Variants in CAPS2 observed in about 807,000 individuals in gnomAD.
CAPS2 encodes calcyphosin-2.
Under a neutral mutation model 86.5 loss-of-function variants are expected in CAPS2, and 98 were observed. The ratio of observed to expected loss-of-function variants is 1.13; its 90% CI spans 0.96 to 1.34. CAPS2 has a LOEUF of 1.34. CAPS2 is among the 40% of genes most tolerant of loss of function. The pLI, the probability that CAPS2 is intolerant of heterozygous loss-of-function variation, is 0.00. For missense variants in CAPS2, 729 were observed against 686.8 expected (o/e 1.06, Z -0.69); for synonymous variants, 210 against 225.1 (o/e 0.93, Z 0.60).
rs1320145132 is a variant in CAPS2 at position 75,388,483 on chromosome 12, G to A, written c.-395+2355C>T. ...AAAAAGAAATTAGGTATCAAGCCAC[G>A]AAAAGACATGGAAGAAATTTACACA... On this transcript the variant is annotated intron_variant, in intron 1 of 5. Coordinates refer to the CAPS2 transcript ENST00000551829. 3.9e-5 allele frequency among the ~76,000 whole-genome samples: 6 copies of A among 152,240 alleles called. No individual in the cohort carries two copies. The South Asian group carries it at 8.3e-4, about 21-fold the overall frequency.
At chr12:75,293,027 T>C (rs1593283207) in intron 12 of CAPS2, among the ~76,000 whole-genome samples, 1 of 152,192 alleles carries the variant, frequency 6.6e-6, no homozygotes, top group South Asian at 2.1e-4. Flanking sequence ...TAACATAAAA[T>C]TGAATATTTT....
chr12:75,296,916 T>G (rs1342200576), intron 11 of CAPS2, among the ~76,000 whole-genome samples: 2 of 152,336 alleles, frequency 1.3e-5, no homozygotes, highest in East Asian at 1.9e-4. Context: ...AGTAGGGATA[T>G]CTAATAAATT....
At chr12:75,277,461 CTT>C in exon 17 of CAPS2, 3 of 917,654 alleles carry the variant, frequency 3.3e-6, no homozygotes, top group African/African-American at 3.6e-5. Flanking sequence ...GTGTTATAGA[CTT>C]ATTTCTGCCA....
At position 75,343,844 on chromosome 12, in the gene CAPS2, C is replaced by A. The variant is rs770923919; in HGVS notation, c.-394-20622G>T. The A allele has an allele frequency of 2.5e-6, 4 of 1,612,864 alleles. No homozygotes were observed. The South Asian group carries it at 4.4e-5, about 18-fold the overall frequency. On this transcript the variant is annotated intron_variant, in intron 1 of 5. Coordinates refer to the CAPS2 transcript ENST00000551829. ...TGGTTAGGTGGAATAAAGTCATTCA[C>A]ACCAAGACATGCCATTACGGCTTGG...
intron 9 of CAPS2, 38 bp downstream of exon 9, chr12:75,299,799 A>T (rs1029050670): frequency 5.0e-6 from 5 of 992,144 alleles, no homozygotes; most frequent in Non-Finnish European, 7.7e-6. Context: ...ACGTTTTTAT[A>T]ATCATAGGAT....
At chr12:75,346,191 T>C (rs1355234604) in intron 1 of CAPS2, among the ~76,000 whole-genome samples, 1 of 152,226 alleles carries the variant, frequency 6.6e-6, no homozygotes, top group Admixed American at 6.5e-5. Context: ...ATGTAGTTAG[T>C]TATTCATAAG....
At chr12:75,285,969 C>T (rs1565772810) in intron 14 of CAPS2, among the ~76,000 whole-genome samples, 1 of 151,974 alleles carries the variant, frequency 6.6e-6, no homozygotes, top group Non-Finnish European at 1.5e-5. Flanking sequence ...TTTACCATTA[C>T]CATTTACTTC....
chr12:75,317,382 A>G (rs1417208387), intron 5 of CAPS2, among the ~76,000 whole-genome samples: 1 of 152,182 alleles, frequency 6.6e-6, no homozygotes, highest in Admixed American at 6.6e-5. Context: ...ATTTATTTAA[A>G]CAGGCACCAA....
chr12:75,387,359 C>T (rs2045344581), intron 1 of CAPS2, among the ~76,000 whole-genome samples: 1 of 152,080 alleles, frequency 6.6e-6, no homozygotes, highest in African/African-American at 2.4e-5. Context: ...AATGAAATAC[C>T]ACTACACACC....
chr12:75,389,056 A>G lies in CAPS2; in HGVS notation c.-395+1782T>C, dbSNP rs1566054017. ...CTCCCTGGCTGGGTGGCCTCAGGCA[A>G]TTTGATTTCTCTTTTTCTCAGTTGT... On this transcript the variant is annotated intron_variant, in intron 1 of 5. Coordinates refer to the CAPS2 transcript ENST00000551829. Among the ~76,000 whole-genome samples, 3 of 152,190 alleles carry G rather than the reference A, an allele frequency of 2.0e-5. No individual in the cohort carries two copies. The East Asian group carries it at 5.8e-4, about 29-fold the overall frequency.
chr12:75,369,424 G>A (rs2044210029), intron 1 of CAPS2: 1 of 639,740 alleles, frequency 1.6e-6, no homozygotes, highest in Non-Finnish European at 1.9e-6. Flanking sequence ...CTAGAATCAT[G>A]CTGAATACGT....
At chr12:75,310,338 A>T (rs1565869181) in intron 7 of CAPS2, among the ~76,000 whole-genome samples, 1 of 152,236 alleles carries the variant, frequency 6.6e-6, no homozygotes. Flanking sequence ...AGGCCAAAGT[A>T]GGCCTCACCA....
intron 1 of CAPS2, among the ~76,000 whole-genome samples, chr12:75,356,924 G>C (rs1391505157): frequency 6.6e-6 from 1 of 152,078 alleles, no homozygotes. Flanking sequence ...CACAACAGCA[G>C]ACACGTAATC....
chr12:75,375,663 T>C (rs2044611437), intron 1 of CAPS2, among the ~76,000 whole-genome samples: 1 of 152,224 alleles, frequency 6.6e-6, no homozygotes, highest in African/African-American at 2.4e-5. Context: ...TTTCTGCCTA[T>C]ATAAATTAAG....
Position 75,379,649 on chromosome 12 carries a change from G to A in CAPS2, c.-395+11189C>T, listed in dbSNP as rs1030200337. Among the ~76,000 whole-genome samples the A allele has an allele frequency of 8.5e-5, 13 of 152,080 alleles. No individual in the cohort carries two copies. In the South Asian group the frequency reaches 1.0e-3, roughly 12 times the overall value. ...AGTGCATTTTTCAGGAGATTCTCTC[G>A]TCCTGCTAGGACAAGTTTGGGTTGT... On this transcript the variant is annotated intron_variant, in intron 1 of 5. Coordinates refer to the CAPS2 transcript ENST00000551829.
chr12:75,297,460 CAG>C (rs1269963705), intron 11 of CAPS2, among the ~76,000 whole-genome samples: 1 of 152,136 alleles, frequency 6.6e-6, no homozygotes, highest in Non-Finnish European at 1.5e-5. Context: ...GCTTCATAGC[CAG>C]AGTCATTTGC....
chr12:75,380,804 T>A (rs992427256), intron 1 of CAPS2, among the ~76,000 whole-genome samples: 10 of 152,192 alleles, frequency 6.6e-5, no homozygotes, highest in Admixed American at 5.9e-4. Context: ...AAGCTAAACA[T>A]ATTTTCATAA....
At chr12:75,286,440 A>G (rs2034877732) in intron 14 of CAPS2, among the ~76,000 whole-genome samples, 1 of 151,986 alleles carries the variant, frequency 6.6e-6, no homozygotes, top group African/African-American at 2.4e-5. Flanking sequence ...TAAAGCTTAA[A>G]AGAAATAATT....
At chr12:75,287,316 T>C (rs1265801747) in intron 14 of CAPS2, among the ~76,000 whole-genome samples, 1 of 152,016 alleles carries the variant, frequency 6.6e-6, no homozygotes, top group Non-Finnish European at 1.5e-5. Flanking sequence ...CCTGCCTTTC[T>C]GTGTTGGAGC....
Sources: gnomAD v4.1 joint callset for allele counts (sites outside exome capture counted in the v4.1 genomes callset) on GRCh38, gnomAD v4.1.1 for gene constraint, MANE v1.5 for transcripts, NCBI Gene and HGNC (gene_info 2026-07-23, HGNC 2026-07-21) for gene names.